The following LRRIQ3 variants were observed in gnomAD, a reference collection of about 807,000 sequenced individuals.
LRRIQ3 encodes leucine rich repeats and IQ motif containing 3.
In LRRIQ3, 75 loss-of-function variants were observed where a neutral mutation model predicts 59.3. That is an observed-to-expected ratio of 1.26 (90% CI 1.05 to 1.53). LRRIQ3 has a LOEUF of 1.53. Among genes scored for constraint, LRRIQ3 ranks in the 40% most tolerant of loss-of-function variants. LRRIQ3 has a pLI of 0.00. For synonymous variants in LRRIQ3, 250 were observed against 231.3 expected, an observed-to-expected ratio of 1.08 and a Z score of -0.73; for missense variants, 831 against 710.0, an observed-to-expected ratio of 1.17 and a Z score of -1.94.
intron 5 of LRRIQ3, among the ~76,000 whole-genome samples, chr1:74,086,506 A>C (rs1211873432): frequency 1.3e-5 from 2 of 152,124 alleles, no homozygotes; most frequent in African/African-American, 4.8e-5. Flanking sequence ...TGCTATAACC[A>C]TTCTGTCTCC....
intron 1 of LRRIQ3, among the ~76,000 whole-genome samples, chr1:74,187,774 C>G (rs1315388196): frequency 6.6e-6 from 1 of 152,046 alleles, no homozygotes; most frequent in Non-Finnish European, 1.5e-5. Context: ...CAAAAAATAA[C>G]AGATGCTGGT....
intron 4 of LRRIQ3, among the ~76,000 whole-genome samples, chr1:74,149,452 T>G (rs184627488): frequency 1.1e-3 from 163 of 152,316 alleles, no homozygotes; most frequent in African/African-American, 3.8e-3. Context: ...AATTGTAATT[T>G]TTGATATAAA....
chr1:74,193,864 AAAG>A (rs1471941629), intron 1 of LRRIQ3, among the ~76,000 whole-genome samples: 1 of 152,188 alleles, frequency 6.6e-6, no homozygotes, highest in Non-Finnish European at 1.5e-5. Flanking sequence ...AATCATAAAA[AAAG>A]AATAAAAAGT....
At chr1:74,113,316 G>A (rs1646729416) in intron 4 of LRRIQ3, among the ~76,000 whole-genome samples, 1 of 151,830 alleles carries the variant, frequency 6.6e-6, no homozygotes, top group Non-Finnish European at 1.5e-5. Flanking sequence ...CAAATAATGG[G>A]AGTACAAGAA....
intron 3 of LRRIQ3, among the ~76,000 whole-genome samples, chr1:74,177,811 G>A (rs1649738843): frequency 1.3e-5 from 2 of 151,830 alleles, no homozygotes; most frequent in South Asian, 4.1e-4. Flanking sequence ...CTTAGCTAGA[G>A]GAATATCTAC....
intron 7 of LRRIQ3, among the ~76,000 whole-genome samples, chr1:74,028,460 C>T (rs1653587916): frequency 6.6e-6 from 1 of 151,884 alleles, no homozygotes; most frequent in African/African-American, 2.4e-5. Context: ...ATTAATTTTA[C>T]TGGATGGATA....
intron 4 of LRRIQ3, among the ~76,000 whole-genome samples, chr1:74,119,070 A>G (rs1008009038): frequency 6.6e-6 from 1 of 152,182 alleles, no homozygotes; most frequent in African/African-American, 2.4e-5. Context: ...TAGCCTAGCT[A>G]TGTTGACACA....
intron 5 of LRRIQ3, among the ~76,000 whole-genome samples, chr1:74,089,458 T>C (rs1366243963): frequency 6.6e-6 from 1 of 152,112 alleles, no homozygotes. Context: ...TGGAATATTA[T>C]TGAGCCATAA....
intron 6 of LRRIQ3, among the ~76,000 whole-genome samples, chr1:74,051,953 C>A (rs1246630174): frequency 1.3e-5 from 2 of 152,028 alleles, no homozygotes; most frequent in African/African-American, 4.8e-5. Context: ...ATAGACTGGG[C>A]AAGTTTGACT....
intron 6 of LRRIQ3, among the ~76,000 whole-genome samples, chr1:74,068,964 A>G (rs929362855): frequency 9.9e-5 from 15 of 152,050 alleles, no homozygotes; most frequent in African/African-American, 3.6e-4. Flanking sequence ...CCATAAAATC[A>G]CCTTTAGAGT....
Position 74,086,146 on chromosome 1 carries a change from G to A in LRRIQ3, c.868-11356C>T, listed in dbSNP as rs374915645. The stretch of plus-strand genomic sequence containing the variant: ...GTGAACAGCCTAACATATAATGCTG[G>A]TAGTTAGGTTTTTACCTCATTTTGA... On this transcript the variant is annotated intron_variant, in intron 5 of 7. Transcript: ENST00000354431. Among the ~76,000 whole-genome samples the A allele has an allele frequency of 9.2e-5, 14 of 151,984 alleles. No individual in the cohort carries two copies. In the East Asian group the frequency reaches 2.5e-3, roughly 27 times the overall value.
chr1:74,057,179 C>T (rs572651100), intron 6 of LRRIQ3, among the ~76,000 whole-genome samples: 1 of 152,156 alleles, frequency 6.6e-6, no homozygotes, highest in South Asian at 2.1e-4. Context: ...ATTGCTATTC[C>T]TATCAAAATA....
chr1:74,170,691 A>AT (rs1649270748), intron 3 of LRRIQ3, among the ~76,000 whole-genome samples: 1 of 151,920 alleles, frequency 6.6e-6, no homozygotes, highest in Non-Finnish European at 1.5e-5. Context: ...TAATTTTAGG[A>AT]TTTTTTTCCA....
chr1:74,030,339 C>G (rs916072568), intron 7 of LRRIQ3, among the ~76,000 whole-genome samples: 1 of 152,134 alleles, frequency 6.6e-6, no homozygotes, highest in African/African-American at 2.4e-5. Context: ...CTGGAGGCAT[C>G]ATGCTACCTG....
intron 3 of LRRIQ3, chr1:74,180,785 A>G: frequency 6.5e-7 from 1 of 1,549,942 alleles, no homozygotes; most frequent in Non-Finnish European, 8.7e-7. Flanking sequence ...GTAAAATAAG[A>G]CTAACATTTT....
intron 6 of LRRIQ3, among the ~76,000 whole-genome samples, chr1:74,069,526 A>G (rs77731425): frequency 9.8e-4 from 149 of 152,166 alleles, no homozygotes; most frequent in Non-Finnish European, 1.6e-3. Context: ...TGAAGCTAGG[A>G]GAAATAATAG....
rs57674909 is a variant in LRRIQ3, at chr1:74,139,094, G to GTATA, written c.707+16635_707+16638dup. On this transcript the variant is annotated intron_variant, in intron 4 of 7. Transcript: ENST00000354431. ...TATACACATATATGTATGTGTGTGTGTATATATATATACATATATGTATGT... is the reference window on the plus strand; with the variant it reads ...TATACACATATATGTATGTGTGTGTGTATATATATATATATACATATATGTATGT... Among the ~76,000 whole-genome samples, 57 of 147,644 alleles carry GTATA rather than the reference G, an allele frequency of 3.9e-4. 1 individual carries two copies. Among genetic ancestry groups the GTATA allele is most frequent in the Admixed American group, 7.5e-4 (11 of 14,660 alleles).
chr1:74,109,714 T>C (rs573479044), intron 4 of LRRIQ3, among the ~76,000 whole-genome samples, 161 bp from the exon 5 acceptor site: 1 of 151,932 alleles, frequency 6.6e-6, no homozygotes, highest in African/African-American at 2.4e-5. Context: ...ACTTAGTAAC[T>C]AAGATTTGTT....
At position 74,196,292 on chromosome 1, in the gene LRRIQ3, T is replaced by C. The variant is rs1199094436; in HGVS notation, c.-1+1704A>G. Among the ~76,000 whole-genome samples the C allele has an allele frequency of 3.3e-5, 5 of 152,274 alleles. No individual in the cohort carries two copies. The East Asian group carries it at 7.7e-4, about 24-fold the overall frequency. On this transcript the variant is annotated intron_variant, in intron 1 of 7. Coordinates refer to ENST00000354431, the MANE Select transcript of LRRIQ3 (RefSeq NM_001105659.2). ...TCTCCTCACAATTGTTACCACTGGA[T>C]TTTTTATTTGGTTACTTCTTCCTTC...
Sources: gnomAD v4.1 joint callset for allele counts (sites outside exome capture counted in the v4.1 genomes callset) on GRCh38, gnomAD v4.1.1 for gene constraint, MANE v1.5 for transcripts, NCBI Gene and HGNC (gene_info 2026-07-23, HGNC 2026-07-21) for gene names.